DMD: variants seen among roughly 807,000 people sequenced by gnomAD.
DMD encodes the protein mutant dystrophin.
DMD carries 63 observed loss-of-function variants against 330.1 expected under a neutral mutation model. The observed-to-expected ratio is 0.19, with a 90% confidence interval of 0.16 to 0.24. DMD has a LOEUF of 0.24. Among genes scored for constraint, DMD ranks in the 10% least tolerant of loss-of-function variants. The probability of loss-of-function intolerance (pLI) is 1.00; values close to 1 mark genes in which losing one functional copy is unlikely to be tolerated. For missense variants in DMD, 3,344 were observed against 2,684.1 expected, an observed-to-expected ratio of 1.25 and a Z score of -5.43; for synonymous variants, 1,223 against 959.8, an observed-to-expected ratio of 1.27 and a Z score of -5.07.
intron 19 of DMD, among the ~76,000 whole-genome samples, chrX:32,495,565 G>A (rs990862764): frequency 1.3e-4 from 14 of 111,573 alleles, no homozygotes; most frequent in African/African-American, 4.6e-4. Flanking sequence ...AATGAGAAAT[G>A]CTATTACTTC....
intron 9 of DMD, among the ~76,000 whole-genome samples, chrX:32,658,517 A>T (rs779502480): frequency 9.0e-6 from 1 of 111,626 alleles, no homozygotes; most frequent in Non-Finnish European, 1.9e-5. Flanking sequence ...TTTATTTACA[A>T]AAATCAGGTA....
intron 11 of DMD, among the ~76,000 whole-genome samples, chrX:32,618,600 A>T (rs1317579320): frequency 9.0e-6 from 1 of 110,992 alleles, no homozygotes; most frequent in Non-Finnish European, 1.9e-5. Flanking sequence ...CTGTACAATA[A>T]ACTTCCATGA....
chrX:31,800,673 A>G (rs1194830328), intron 50 of DMD, among the ~76,000 whole-genome samples: 1 of 112,116 alleles, frequency 8.9e-6, no homozygotes, highest in Non-Finnish European at 1.9e-5. Flanking sequence ...TTTCTATCAC[A>G]TTGTTAGGCT....
chrX:32,233,609 T>G (rs1177991143), intron 43 of DMD, among the ~76,000 whole-genome samples: 2 of 88,299 alleles, frequency 2.3e-5, no homozygotes, highest in African/African-American at 8.4e-5. Context: ...TTTTATTTAT[T>G]TATTTATTTA....
chrX:32,335,067 T>A (rs190572802), intron 41 of DMD, among the ~76,000 whole-genome samples: 1 of 111,551 alleles, frequency 9.0e-6, no homozygotes, highest in East Asian at 2.8e-4. Flanking sequence ...AGAGGGTCAT[T>A]ACTGTGATCA....
At chrX:31,202,649 T>C (rs1471435333) in intron 67 of DMD, among the ~76,000 whole-genome samples, 2 of 112,163 alleles carry the variant, frequency 1.8e-5, no homozygotes, top group Admixed American at 1.9e-4. Context: ...ACTTCAGATA[T>C]AACCCAGTTA....
chrX:31,881,630 G>A (rs977502826), intron 47 of DMD, among the ~76,000 whole-genome samples: 4 of 111,132 alleles, frequency 3.6e-5, no homozygotes, highest in East Asian at 2.8e-4. Flanking sequence ...GTATTTTTAC[G>A]GTACATTTTC....
rs775305645 is a variant in DMD, at chrX:32,899,451, G to A, written c.94-49631C>T. On this transcript the variant is annotated intron_variant, in intron 2 of 78. Transcript: ENST00000357033. Reference sequence around the variant, plus strand: ...AGCACTTTGGGAGGCTGAGGCGGGCGGATCACGAGATCAAGAGATCGAGAC... The same window carrying A: ...AGCACTTTGGGAGGCTGAGGCGGGCAGATCACGAGATCAAGAGATCGAGAC... 1.4e-4 allele frequency among the ~76,000 whole-genome samples: 15 copies of A among 110,164 alleles called. No individual in the cohort carries two copies. The South Asian group carries it at 3.1e-3, about 23-fold the overall frequency.
intron 2 of DMD, among the ~76,000 whole-genome samples, chrX:32,949,448 C>A (rs1412011170): frequency 1.8e-5 from 2 of 110,363 alleles, no homozygotes; most frequent in African/African-American, 3.3e-5. Context: ...CTGAAAAAAA[C>A]TGGCAAGCTT....
chrX:32,741,665 T>G (rs112798265), intron 7 of DMD, among the ~76,000 whole-genome samples: 70 of 111,892 alleles, frequency 6.3e-4, no homozygotes, highest in African/African-American at 2.2e-3. Flanking sequence ...AATTCTTTTG[T>G]GTTTGTACAA....
intron 44 of DMD, among the ~76,000 whole-genome samples, chrX:32,034,073 A>G (rs1275921459): frequency 8.9e-6 from 1 of 111,766 alleles, no homozygotes; most frequent in Admixed American, 9.5e-5. Context: ...CCTTTTTCTT[A>G]AGGGAATGAA....
intron 51 of DMD, among the ~76,000 whole-genome samples, chrX:31,761,823 T>C (rs1033859622): frequency 1.2e-4 from 14 of 112,116 alleles, no homozygotes; most frequent in African/African-American, 4.5e-4. Flanking sequence ...AACAATCACA[T>C]CATATTTAGC....
In DMD at chrX:31,203,084, C is replaced by A. The variant is rs573359581; in HGVS notation, c.9807+877G>T. 2.4e-4 allele frequency among the ~76,000 whole-genome samples: 26 copies of A among 109,418 alleles called. No homozygotes were observed. In the Middle Eastern group the frequency reaches 0.014, roughly 58 times the overall value. On this transcript the variant is annotated intron_variant, in intron 67 of 78. Transcript: ENST00000357033. ...ATCACCTGAGGTCAGGAGTTTGAGA[C>A]CAGCCTGGCCAACCTGGTGAAACCC...
intron 1 of DMD, among the ~76,000 whole-genome samples, chrX:33,235,209 C>T (rs150301254): frequency 4.5e-5 from 5 of 111,652 alleles, no homozygotes; most frequent in African/African-American, 9.8e-5. Flanking sequence ...CCCTACACAA[C>T]GTTTTTTGTG....
intron 34 of DMD, 47 bp downstream of exon 34, chrX:32,380,463 G>T (rs1387068956): frequency 9.1e-7 from 1 of 1,102,754 alleles, no homozygotes; most frequent in African/African-American, 1.8e-5. Context: ...ATCATATTAT[G>T]TGTTTTCACG....
chrX:31,978,276 A>G (rs752447755), intron 44 of DMD, among the ~76,000 whole-genome samples: 18 of 110,890 alleles, frequency 1.6e-4, no homozygotes, highest in Non-Finnish European at 2.8e-4. Flanking sequence ...CAGCAGTTCA[A>G]CTTTGTTTTG....
At chrX:31,541,086 C>CT (rs1436770797) in intron 55 of DMD, among the ~76,000 whole-genome samples, 1 of 111,720 alleles carries the variant, frequency 9.0e-6, no homozygotes, top group Non-Finnish European at 1.9e-5. Context: ...TGTTCTAGGG[C>CT]TGTGCTGCTC....
chrX:31,377,216 T>C (rs1046105986), intron 60 of DMD, among the ~76,000 whole-genome samples: 34 of 111,867 alleles, frequency 3.0e-4, no homozygotes, highest in African/African-American at 1.1e-3. Context: ...TGAAGGGCTG[T>C]CTTTGCCAAG....
At chrX:31,434,246 ACAAC>A (rs1177172248) in intron 60 of DMD, among the ~76,000 whole-genome samples, 4 of 111,296 alleles carry the variant, frequency 3.6e-5, no homozygotes, top group African/African-American at 1.3e-4. Flanking sequence ...CTGGAATTTT[ACAAC>A]CCTGTTTAGT....
Sources: gnomAD v4.1 joint callset for allele counts (sites outside exome capture counted in the v4.1 genomes callset) on GRCh38, gnomAD v4.1.1 for gene constraint, MANE v1.5 for transcripts, NCBI Gene and HGNC (gene_info 2026-07-23, HGNC 2026-07-21) for gene names.